Variants in NOL4 observed in about 807,000 individuals in gnomAD.
NOL4 encodes cancer/testis antigen 125.
A neutral mutation model predicts 75.9 loss-of-function variants in NOL4; 17 were observed. That is an observed-to-expected ratio of 0.22 (90% confidence interval 0.15 to 0.34). The LOEUF (loss-of-function observed/expected upper bound fraction) is 0.34. Ranked by LOEUF, NOL4 falls within the 10% of genes least tolerant of loss-of-function variation. NOL4 has a pLI of 1.00. For synonymous variants in NOL4, 292 were observed against 289.9 expected (o/e 1.01, Z -0.07); for missense variants, 614 against 793.5 (o/e 0.77, Z 2.72).
intron 4 of NOL4, among the ~76,000 whole-genome samples, chr18:34,096,217 T>A (rs918567755): frequency 6.6e-6 from 1 of 152,070 alleles, no homozygotes; most frequent in African/African-American, 2.4e-5. Flanking sequence ...AAAACCATGT[T>A]AAATTATTTA....
chr18:34,138,423 A>G (rs1600701059), intron 1 of NOL4, among the ~76,000 whole-genome samples: 1 of 152,092 alleles, frequency 6.6e-6, no homozygotes, highest in Non-Finnish European at 1.5e-5. Flanking sequence ...AATAAAAATA[A>G]TGACAGTAGT....
intron 1 of NOL4, among the ~76,000 whole-genome samples, chr18:34,210,537 A>C (rs1046143653): frequency 2.5e-4 from 38 of 152,242 alleles, no homozygotes; most frequent in Non-Finnish European, 4.6e-4. Context: ...ACAAAGTGCA[A>C]ATAACTACAG....
chr18:34,211,508 C>T (rs534487478), intron 1 of NOL4, among the ~76,000 whole-genome samples: 64 of 152,300 alleles, frequency 4.2e-4, no homozygotes, highest in African/African-American at 1.5e-3. Context: ...CTTAGCTTTA[C>T]CCCATGGCCC....
intron 6 of NOL4, among the ~76,000 whole-genome samples, chr18:33,990,582 TA>T (rs2072846609): frequency 6.7e-6 from 1 of 148,698 alleles, no homozygotes; most frequent in Non-Finnish European, 1.5e-5. Context: ...GCTATACTCC[TA>T]GACCTACACT....
chr18:33,990,372 C>T (rs561881948), intron 6 of NOL4, among the ~76,000 whole-genome samples: 3 of 152,110 alleles, frequency 2.0e-5, no homozygotes, highest in Admixed American at 6.6e-5. Context: ...TCCAGCTGTA[C>T]CCTCTGAAAC....
chr18:33,924,298 G>A (rs539354274), intron 9 of NOL4, among the ~76,000 whole-genome samples: 2 of 152,214 alleles, frequency 1.3e-5, no homozygotes, highest in African/African-American at 4.8e-5. Context: ...CTAAATGCTG[G>A]GACATTCTTT....
At chr18:33,972,418 C>T (rs1255859453) in intron 6 of NOL4, among the ~76,000 whole-genome samples, 1 of 152,098 alleles carries the variant, frequency 6.6e-6, no homozygotes, top group African/African-American at 2.4e-5. Flanking sequence ...TAAAAAGCTA[C>T]CACCTCTCAC....
intron 1 of NOL4, among the ~76,000 whole-genome samples, chr18:34,159,580 G>A (rs1216499313): frequency 6.6e-6 from 1 of 152,068 alleles, no homozygotes; most frequent in African/African-American, 2.4e-5. Context: ...GAGCTTGAGA[G>A]TCCCCTAGAG....
chr18:34,136,145 C>T (rs2080881827), intron 1 of NOL4, among the ~76,000 whole-genome samples: 2 of 152,116 alleles, frequency 1.3e-5, no homozygotes, highest in African/African-American at 4.8e-5. Context: ...ACATACTTCC[C>T]TGACAAAAAT....
At chr18:33,894,612 C>T (rs560498769) in intron 9 of NOL4, among the ~76,000 whole-genome samples, 36 of 152,162 alleles carry the variant, frequency 2.4e-4, no homozygotes, top group African/African-American at 7.7e-4. Context: ...CCAAAGTCAC[C>T]GCAGGATACC....
rs1019812755 is a variant in NOL4 at position 33,925,048 on chromosome 18, T to G, written c.1542+18017A>C. Among the ~76,000 whole-genome samples, 69 of 152,124 alleles carry G rather than the reference T, an allele frequency of 4.5e-4. 1 individual carries two copies. Among genetic ancestry groups the G allele is most frequent in the Admixed American group, 4.5e-3 (69 of 15,266 alleles). ...AAACACATTTCTTACTTGTGTAAATTTCAGTCATAAATAATAATAGTGATA... is the reference window on the plus strand; with the variant it reads ...AAACACATTTCTTACTTGTGTAAATGTCAGTCATAAATAATAATAGTGATA... On this transcript the variant is annotated intron_variant, in intron 9 of 10. Transcript: ENST00000261592.
At chr18:33,968,824 A>C (rs769541976) in intron 6 of NOL4, among the ~76,000 whole-genome samples, 4 of 152,148 alleles carry the variant, frequency 2.6e-5, no homozygotes, top group Admixed American at 6.5e-5. Flanking sequence ...AAATGCAAAA[A>C]TAAATGACAT....
At chr18:34,057,185 CT>C (rs1278914420) in intron 5 of NOL4, among the ~76,000 whole-genome samples, 3 of 152,108 alleles carry the variant, frequency 2.0e-5, no homozygotes, top group African/African-American at 4.8e-5. Context: ...GGATTTTACA[CT>C]GTTTGGAGTT....
chr18:34,221,582 T>C (rs1264810275), intron 1 of NOL4: 1 of 142,798 alleles, frequency 7.0e-6, no homozygotes, highest in Non-Finnish European at 1.5e-5. Context: ...CTCTTAGAAA[T>C]CTCCCAACAA....
At chr18:33,916,294 C>A (rs2066715676) in intron 9 of NOL4, among the ~76,000 whole-genome samples, 1 of 152,188 alleles carries the variant, frequency 6.6e-6, no homozygotes, top group Non-Finnish European at 1.5e-5. Context: ...CAGATAATGG[C>A]CTGTGTATAG....
At chr18:34,166,509 T>C (rs1481983013) in intron 1 of NOL4, among the ~76,000 whole-genome samples, 1 of 152,132 alleles carries the variant, frequency 6.6e-6, no homozygotes, top group Non-Finnish European at 1.5e-5. Context: ...AAAGTCCCAT[T>C]ATCAAAGATC....
At chr18:34,021,358 T>C (rs1254623308) in intron 5 of NOL4, among the ~76,000 whole-genome samples, 2 of 152,034 alleles carry the variant, frequency 1.3e-5, no homozygotes, top group Admixed American at 6.6e-5. Context: ...GCATTCTCTA[T>C]AGAGGGATCA....
intron 1 of NOL4, among the ~76,000 whole-genome samples, chr18:34,136,847 G>T (rs2080913316): frequency 6.6e-6 from 1 of 152,002 alleles, no homozygotes; most frequent in Admixed American, 6.6e-5. Flanking sequence ...AAGGAAACGA[G>T]ATTAGCCAAA....
At chr18:33,861,209 G>T (rs1338523626) in intron 10 of NOL4, among the ~76,000 whole-genome samples, 5 of 152,130 alleles carry the variant, frequency 3.3e-5, no homozygotes, top group African/African-American at 1.2e-4. Flanking sequence ...AGAAGGAATG[G>T]TACCAGTTCC....
Sources: allele counts gnomAD v4.1 joint callset (sites outside exome capture counted in the v4.1 genomes callset), GRCh38; gene constraint gnomAD v4.1.1; transcripts MANE v1.5; gene names NCBI Gene and HGNC (gene_info 2026-07-23, HGNC 2026-07-21).